Variants in RIMS2 observed in about 807,000 individuals in gnomAD.
The protein encoded by RIMS2 is regulating synaptic membrane exocytosis 2, also known as regulating synaptic membrane exocytosis protein 2.
In RIMS2, 59 loss-of-function variants were observed where a neutral mutation model predicts 174.4. That is an observed-to-expected ratio of 0.34 (90% CI 0.27 to 0.42). The LOEUF (loss-of-function observed/expected upper bound fraction) is 0.42, where lower values mean the gene tolerates loss of function less well. Ranked by LOEUF, RIMS2 falls within the 10% of genes least tolerant of loss-of-function variation. The pLI is 1.00. For missense variants in RIMS2, 1,620 were observed against 1,666.3 expected (o/e 0.97, Z 0.48); for synonymous variants, 606 against 572.5 (o/e 1.06, Z -0.84).
intron 19 of RIMS2, among the ~76,000 whole-genome samples, chr8:104,166,930 G>A (rs2441876): frequency 0.81 from 122,695 of 152,022 alleles, 49,994 homozygotes; most frequent in East Asian, 1. Context: ...CTCCAGCTCC[G>A]TTGAAGTTAC....
intron 19 of RIMS2, among the ~76,000 whole-genome samples, chr8:104,232,625 A>T (rs1290088421): frequency 6.6e-6 from 1 of 152,204 alleles, no homozygotes; most frequent in Admixed American, 6.5e-5. Flanking sequence ...CAGATATCAC[A>T]GCTTGCACCA....
chr8:103,786,552 T>G (rs2098445430), intron 3 of RIMS2, among the ~76,000 whole-genome samples: 2 of 152,180 alleles, frequency 1.3e-5, no homozygotes, highest in African/African-American at 2.4e-5. Context: ...CAGGAGCAGG[T>G]TGTTCAGTTT....
chr8:103,579,027 A>G (rs1290286268), intron 1 of RIMS2, among the ~76,000 whole-genome samples: 1 of 152,180 alleles, frequency 6.6e-6, no homozygotes, highest in South Asian at 2.1e-4. Flanking sequence ...TAGCAAAACT[A>G]TCCAACAGAC....
At chr8:103,988,641 G>A (rs886538676) in intron 16 of RIMS2, among the ~76,000 whole-genome samples, 4 of 152,128 alleles carry the variant, frequency 2.6e-5, no homozygotes, top group Admixed American at 2.6e-4. Flanking sequence ...TTATTTTTTA[G>A]TAGAGACAGG....
At position 104,251,339 on chromosome 8, in the gene RIMS2, A is replaced by G. The variant is rs77576410; in HGVS notation, c.3831+176A>G. Among the ~76,000 whole-genome samples the G allele has an allele frequency of 3.4e-3, 525 of 152,344 alleles. 3 individuals are homozygous for G. Among genetic ancestry groups the G allele is most frequent in the African/African-American group, 0.012 (505 of 41,578 alleles). On this transcript the variant is annotated intron_variant, in intron 23 of 23. Transcript: ENST00000504942. ...CAATATACGTTGTCATTTTCTTTAA[A>G]GTGATTTACAGACATGCAAATCCCC...
intron 17 of RIMS2, among the ~76,000 whole-genome samples, chr8:103,990,967 A>G (rs780953814): frequency 1.3e-5 from 2 of 151,942 alleles, no homozygotes; most frequent in Non-Finnish European, 2.9e-5. Flanking sequence ...TTTAAAGGCA[A>G]ATGACCCTAG....
At chr8:103,727,542 T>C (rs2097540367) in intron 2 of RIMS2, among the ~76,000 whole-genome samples, 1 of 152,204 alleles carries the variant, frequency 6.6e-6, no homozygotes, top group African/African-American at 2.4e-5. Flanking sequence ...AAGAAATCTT[T>C]GCCCAGACCA....
At chr8:103,656,459 A>G (rs1298401114) in intron 1 of RIMS2, among the ~76,000 whole-genome samples, 1 of 152,154 alleles carries the variant, frequency 6.6e-6, no homozygotes. Context: ...TTAAGCTCTG[A>G]AAAATCCTTA....
At chr8:103,555,357 G>T (rs1424620976) in intron 1 of RIMS2, among the ~76,000 whole-genome samples, 1 of 152,054 alleles carries the variant, frequency 6.6e-6, no homozygotes, top group East Asian at 1.9e-4. Context: ...TATAAAAAAG[G>T]TAAAATATAT....
intron 14 of RIMS2, among the ~76,000 whole-genome samples, chr8:103,959,452 G>A (rs890393493): frequency 6.6e-5 from 10 of 150,830 alleles, no homozygotes; most frequent in East Asian, 1.9e-4. Context: ...AGATGGAATC[G>A]CACTCTGTCA....
chr8:104,124,128 A>T (rs2098409040), intron 19 of RIMS2, among the ~76,000 whole-genome samples: 1 of 152,172 alleles, frequency 6.6e-6, no homozygotes, highest in Non-Finnish European at 1.5e-5. Flanking sequence ...ATGAGAGAAA[A>T]ACAAAACTTT....
chr8:103,778,016 A>C lies in RIMS2; in HGVS notation c.698+11479A>C, dbSNP rs575815625. 6.8e-4 allele frequency among the ~76,000 whole-genome samples: 104 copies of C among 152,166 alleles called. 1 individual carries two copies. The South Asian group carries it at 0.011, about 15-fold the overall frequency. ...TATCTTTTCTTTGCTGACATTTAAA[A>C]ATGTCAAAACTTGCTATGACTTTGA... On this transcript the variant is annotated intron_variant, in intron 3 of 23. Transcript: ENST00000504942.
At chr8:103,551,532 A>G (rs1173833176) in intron 1 of RIMS2, among the ~76,000 whole-genome samples, 1 of 152,172 alleles carries the variant, frequency 6.6e-6, no homozygotes, top group Non-Finnish European at 1.5e-5. Flanking sequence ...CCCTTTGAAA[A>G]CTGGCACAAG....
At chr8:104,246,492 C>T (rs1165631290) in intron 20 of RIMS2, among the ~76,000 whole-genome samples, 1 of 152,128 alleles carries the variant, frequency 6.6e-6, no homozygotes, top group African/African-American at 2.4e-5. Context: ...ACTCTCATCA[C>T]ATTTACACTC....
At chr8:104,229,983 TA>T (rs1438085089) in intron 19 of RIMS2, among the ~76,000 whole-genome samples, 1 of 152,234 alleles carries the variant, frequency 6.6e-6, no homozygotes, top group Non-Finnish European at 1.5e-5. Flanking sequence ...TACCATTTTT[TA>T]AAATTTAGAT....
chr8:103,824,817 A>G (rs980499022), intron 3 of RIMS2, among the ~76,000 whole-genome samples: 2 of 152,216 alleles, frequency 1.3e-5, no homozygotes, highest in African/African-American at 4.8e-5. Context: ...ACGGTTACTC[A>G]TATGGCTTTA....
chr8:104,143,251 T>C (rs2098600728), intron 19 of RIMS2, among the ~76,000 whole-genome samples: 1 of 152,200 alleles, frequency 6.6e-6, no homozygotes, highest in Non-Finnish European at 1.5e-5. Context: ...GTAATCTGAG[T>C]TTAAGTGAAA....
intron 1 of RIMS2, among the ~76,000 whole-genome samples, chr8:103,621,177 T>C (rs962959505): frequency 5.3e-5 from 8 of 152,210 alleles, no homozygotes; most frequent in Non-Finnish European, 1.0e-4. Context: ...TGAACATAAA[T>C]TTAATTTCCT....
At chr8:103,821,453 T>A (rs1301408449) in intron 3 of RIMS2, among the ~76,000 whole-genome samples, 1 of 151,762 alleles carries the variant, frequency 6.6e-6, no homozygotes, top group Non-Finnish European at 1.5e-5. Flanking sequence ...CCTTTATATG[T>A]TCTTATTAGT....
Sources: gnomAD v4.1 joint callset for allele counts (sites outside exome capture counted in the v4.1 genomes callset) on GRCh38, gnomAD v4.1.1 for gene constraint, MANE v1.5 for transcripts, NCBI Gene and HGNC (gene_info 2026-07-23, HGNC 2026-07-21) for gene names.